KLF12: variants seen among roughly 807,000 people sequenced by gnomAD.
The protein encoded by KLF12 is KLF transcription factor 12.
Under a neutral mutation model 37.8 loss-of-function variants are expected in KLF12, and 9 were observed. The ratio of observed to expected loss-of-function variants is 0.24; its 90% CI spans 0.14 to 0.42. KLF12 has a LOEUF of 0.42. KLF12 is among the 10% of genes least tolerant of loss of function. The pLI is 1.00. For missense variants in KLF12, 411 were observed against 516.0 expected, an observed-to-expected ratio of 0.80 and a Z score of 1.97; for synonymous variants, 208 against 202.1, an observed-to-expected ratio of 1.03 and a Z score of -0.25.
intron 6 of KLF12, among the ~76,000 whole-genome samples, chr13:73,721,812 C>CAG (rs56748854): frequency 0.64 from 96,182 of 151,308 alleles, 31,049 homozygotes; most frequent in East Asian, 0.72. Flanking sequence ...TTCGGCGTCC[C>CAG]AGTGTTGGGA....
the KLF12 span, among the ~76,000 whole-genome samples, chr13:74,186,536 C>T: frequency 6.6e-6 from 1 of 151,638 alleles, no homozygotes; most frequent in Non-Finnish European, 1.5e-5. Context: ...TTGATAGAGA[C>T]CAAAAGTATC....
intron 1 of KLF12, among the ~76,000 whole-genome samples, chr13:74,108,012 G>A (rs1158102851): frequency 6.6e-6 from 1 of 152,230 alleles, no homozygotes; most frequent in South Asian, 2.1e-4. Context: ...TGCAAATGCT[G>A]GCTAAGTTTT....
chr13:74,172,269 CTG>C, the KLF12 span, among the ~76,000 whole-genome samples: 4 of 151,932 alleles, frequency 2.6e-5, no homozygotes, highest in South Asian at 8.3e-4. Context: ...AGGCACTAAA[CTG>C]TAGGTTTTCC....
the KLF12 span, among the ~76,000 whole-genome samples, chr13:74,146,531 A>G: frequency 1.3e-5 from 2 of 152,232 alleles, no homozygotes; most frequent in Non-Finnish European, 2.9e-5. Flanking sequence ...TTAAAAGGAT[A>G]AGGAGCAATG....
chr13:74,255,136 T>C, the KLF12 span, among the ~76,000 whole-genome samples: 1 of 152,254 alleles, frequency 6.6e-6, no homozygotes, highest in African/African-American at 2.4e-5. Context: ...CTGTAACAGA[T>C]ATTTAGTAAA....
the KLF12 span, among the ~76,000 whole-genome samples, chr13:74,224,821 A>G: frequency 6.6e-6 from 1 of 152,210 alleles, no homozygotes; most frequent in Non-Finnish European, 1.5e-5. Flanking sequence ...GCATGCCAAA[A>G]TGTCAATTTA....
intron 6 of KLF12, among the ~76,000 whole-genome samples, chr13:73,745,364 T>G (rs572317491): frequency 9.8e-5 from 15 of 152,288 alleles, no homozygotes; most frequent in South Asian, 2.1e-4. Flanking sequence ...AGCTCAGAAG[T>G]AGGCTCTGGT....
chr13:73,901,822 A>C (rs1888056031), intron 3 of KLF12, among the ~76,000 whole-genome samples: 1 of 152,184 alleles, frequency 6.6e-6, no homozygotes. Flanking sequence ...TATCAACCCA[A>C]ACATGAATGT....
the KLF12 span, among the ~76,000 whole-genome samples, chr13:74,145,355 C>G: frequency 5.3e-5 from 8 of 152,154 alleles, no homozygotes; most frequent in African/African-American, 1.9e-4. Flanking sequence ...GGTTTGTTGT[C>G]ATGATACAAT....
intron 5 of KLF12, among the ~76,000 whole-genome samples, chr13:73,807,977 A>C (rs28606467): frequency 0.2 from 29,937 of 151,932 alleles, 3,486 homozygotes; most frequent in East Asian, 0.45. Context: ...GGAATGAGAA[A>C]GAAGGAAAGG....
intron 5 of KLF12, among the ~76,000 whole-genome samples, chr13:73,808,099 G>T (rs188640475): frequency 1.1e-3 from 164 of 152,134 alleles, no homozygotes; most frequent in African/African-American, 3.6e-3. Context: ...CTTATCATGT[G>T]CCTTTACCTC....
At chr13:73,943,496 G>A (rs1358968318) in intron 3 of KLF12, among the ~76,000 whole-genome samples, 3 of 152,246 alleles carry the variant, frequency 2.0e-5, no homozygotes, top group Non-Finnish European at 2.9e-5. Flanking sequence ...TTCAAATTCA[G>A]TGACCTCATC....
At chr13:73,901,471 G>C (rs1169438172) in intron 3 of KLF12, among the ~76,000 whole-genome samples, 2 of 152,114 alleles carry the variant, frequency 1.3e-5, no homozygotes, top group Non-Finnish European at 2.9e-5. Flanking sequence ...CTCCTATTAA[G>C]GGTGTGTGTG....
At chr13:74,182,737 C>T in the KLF12 span, among the ~76,000 whole-genome samples, 1 of 152,196 alleles carries the variant, frequency 6.6e-6, no homozygotes, top group Non-Finnish European at 1.5e-5. Flanking sequence ...TTATAGAAAC[C>T]AGAGCATTGC....
upstream of KLF12, among the ~76,000 whole-genome samples, chr13:74,135,050 C>G (rs1335176482): frequency 6.6e-6 from 1 of 151,322 alleles, no homozygotes; most frequent in South Asian, 2.1e-4. Flanking sequence ...CGGTGCCCCC[C>G]GCGCGCCGGT....
intron 1 of KLF12, among the ~76,000 whole-genome samples, chr13:74,097,355 A>T (rs765407083): frequency 1.4e-4 from 22 of 152,212 alleles, no homozygotes; most frequent in Non-Finnish European, 2.8e-4. Flanking sequence ...TATACTGTAC[A>T]TCTGTGCTGG....
chr13:74,303,673 T>C, the KLF12 span, among the ~76,000 whole-genome samples: 9 of 152,174 alleles, frequency 5.9e-5, no homozygotes, highest in African/African-American at 2.2e-4. Context: ...AGTACTATAA[T>C]AGATTTTCAC....
At chr13:73,814,498 T>G (rs961307575) in intron 4 of KLF12, among the ~76,000 whole-genome samples, 16 of 152,208 alleles carry the variant, frequency 1.1e-4, no homozygotes, top group African/African-American at 3.9e-4. Flanking sequence ...ACATATTTCA[T>G]CACGTTTCTA....
chr13:74,270,563 G>T, the KLF12 span, among the ~76,000 whole-genome samples: 35,180 of 151,968 alleles, frequency 0.23, 4,318 homozygotes, highest in South Asian at 0.38. Flanking sequence ...CTTTGTGTTG[G>T]GACCTCGCAA....
Sources: gnomAD v4.1 joint callset for allele counts (sites outside exome capture counted in the v4.1 genomes callset) on GRCh38, gnomAD v4.1.1 for gene constraint, MANE v1.5 for transcripts, NCBI Gene and HGNC (gene_info 2026-07-23, HGNC 2026-07-21) for gene names.